Variants in SLC25A21 observed in about 807,000 individuals in gnomAD.
SLC25A21 encodes the protein solute carrier family 25 member 21, also known as mitochondrial 2-oxodicarboxylate carrier.
A neutral mutation model predicts 43.8 loss-of-function variants in SLC25A21; 47 were observed. The observed-to-expected ratio is 1.07, with a 90% CI of 0.85 to 1.37. The LOEUF (loss-of-function observed/expected upper bound fraction) is 1.37, where lower values mean the gene tolerates loss of function less well. Ranked by LOEUF, SLC25A21 falls within the 40% of genes most tolerant of loss-of-function variation. The pLI, the probability that SLC25A21 is intolerant of heterozygous loss-of-function variation, is 0.00. For synonymous variants in SLC25A21, 131 were observed against 121.3 expected, an observed-to-expected ratio of 1.08 and a Z score of -0.52; for missense variants, 352 against 350.2, an observed-to-expected ratio of 1.00 and a Z score of -0.04.
In SLC25A21 at chr14:37,146,524, G is replaced by A. The variant is rs372360483; in HGVS notation, c.70+25757C>T. ...GGCCTCCCAAAGTGCTGGGATTACA[G>A]GCCTGAGCCACCACACTCAGCCCAG... On this transcript the variant is annotated intron_variant, in intron 1 of 9. Transcript: ENST00000331299. 1.4e-4 allele frequency among the ~76,000 whole-genome samples: 21 copies of A among 152,254 alleles called. No homozygotes were observed. In the South Asian group the frequency reaches 1.4e-3, roughly 11 times the overall value.
chr14:37,092,037 G>A (rs1962597058), intron 1 of SLC25A21, among the ~76,000 whole-genome samples: 1 of 152,128 alleles, frequency 6.6e-6, no homozygotes, highest in African/African-American at 2.4e-5. Flanking sequence ...TGAGGTGGGG[G>A]GATCATTTGA....
intron 7 of SLC25A21, 145 bp downstream of exon 7, chr14:36,711,173 G>A: frequency 5.7e-6 from 4 of 705,884 alleles, no homozygotes; most frequent in Middle Eastern, 8.2e-4. Context: ...AGGGATAACA[G>A]CACTCAATGC....
chr14:36,912,559 A>T (rs1322242374), intron 1 of SLC25A21, among the ~76,000 whole-genome samples: 1 of 152,230 alleles, frequency 6.6e-6, no homozygotes, highest in Non-Finnish European at 1.5e-5. Flanking sequence ...AAGGTATCCA[A>T]AAGTGCCTAT....
chr14:36,977,342 T>G (rs1007604633), intron 1 of SLC25A21, among the ~76,000 whole-genome samples: 2 of 152,200 alleles, frequency 1.3e-5, no homozygotes, highest in Non-Finnish European at 2.9e-5. Flanking sequence ...CTGTCTCATA[T>G]TCTTTGCTTA....
rs1442323557 is a variant in SLC25A21, at chr14:36,925,710, G to T, written c.71-50706C>A. On this transcript the variant is annotated intron_variant, in intron 1 of 9. Transcript: ENST00000331299. Reference sequence around the variant, plus strand: ...AAAAATACAAAAATTAGCCAGGCATGGTAGCACATGCCTATAATTCCAGCT... The same window carrying T: ...AAAAATACAAAAATTAGCCAGGCATTGTAGCACATGCCTATAATTCCAGCT... Among the ~76,000 whole-genome samples the T allele has an allele frequency of 6.6e-5, 10 of 152,190 alleles. No individual in the cohort carries two copies. The East Asian group carries it at 1.5e-3, about 24-fold the overall frequency.
At chr14:37,089,058 T>C (rs1962535833) in intron 1 of SLC25A21, among the ~76,000 whole-genome samples, 1 of 152,294 alleles carries the variant, frequency 6.6e-6, no homozygotes, top group Admixed American at 6.5e-5. Flanking sequence ...AACTTAATCA[T>C]ACTCAAATTT....
chr14:36,835,796 T>G (rs1889189577), intron 2 of SLC25A21, among the ~76,000 whole-genome samples: 1 of 152,240 alleles, frequency 6.6e-6, no homozygotes, highest in African/African-American at 2.4e-5. Context: ...GCAAATCTGC[T>G]GGCTTTTTCT....
At chr14:36,773,946 T>C (rs777597643) in intron 3 of SLC25A21, among the ~76,000 whole-genome samples, 1 of 152,054 alleles carries the variant, frequency 6.6e-6, no homozygotes, top group Non-Finnish European at 1.5e-5. Flanking sequence ...TACACATGAG[T>C]TATGTTTCAT....
chr14:36,679,126 A>C lies in SLC25A21; in HGVS notation c.*1532T>G. ...GGCAGCGCTCTCATTGGATGTAAGA[A>C]TATTACCTGCAAGGATAGAATGCAG... is the stretch of plus-strand genomic sequence containing the variant. On this transcript the variant is annotated 3_prime_UTR_variant, in exon 10 of 10. Transcript: ENST00000331299. The C allele has an allele frequency of 1.0e-6, 1 of 985,430 alleles. No individual in the cohort carries two copies. The highest frequency in any genetic ancestry group is 4.7e-5 in the South Asian group (1 of 21,288). The allele number at this position is 985,430 out of a possible 1,614,324, so 61.0% of individuals were successfully genotyped here. A position where few individuals can be genotyped will look rare whatever the true frequency, so the allele number is the denominator to read the frequency against.
intron 1 of SLC25A21, among the ~76,000 whole-genome samples, chr14:37,132,472 G>A (rs983019416): frequency 6.6e-6 from 1 of 152,156 alleles, no homozygotes; most frequent in African/African-American, 2.4e-5. Flanking sequence ...CCTTGCTGGT[G>A]ATAGACACAG....
chr14:36,824,969 G>A (rs571446688), intron 2 of SLC25A21, among the ~76,000 whole-genome samples: 1 of 152,010 alleles, frequency 6.6e-6, no homozygotes, highest in Non-Finnish European at 1.5e-5. Flanking sequence ...CTTTGTAGGA[G>A]GTTTTAGATG....
intron 7 of SLC25A21, among the ~76,000 whole-genome samples, chr14:36,700,410 T>C (rs575169069): frequency 1.3e-5 from 2 of 152,288 alleles, no homozygotes; most frequent in Non-Finnish European, 2.9e-5. Context: ...TATGGACAAA[T>C]GTGATGCACT....
intron 3 of SLC25A21, among the ~76,000 whole-genome samples, chr14:36,768,123 A>T (rs1886482594): frequency 6.6e-6 from 1 of 152,158 alleles, no homozygotes; most frequent in Non-Finnish European, 1.5e-5. Flanking sequence ...GGAATCACCC[A>T]CTGGCAATAG....
chr14:36,904,052 G>A (rs1248501642), intron 1 of SLC25A21, among the ~76,000 whole-genome samples: 1 of 152,196 alleles, frequency 6.6e-6, no homozygotes, highest in Non-Finnish European at 1.5e-5. Flanking sequence ...CTTTTCCTAT[G>A]ACTGAATTCT....
At chr14:37,072,179 CAAA>C (rs36060373) in intron 1 of SLC25A21, among the ~76,000 whole-genome samples, 1 of 79,030 alleles carries the variant, frequency 1.3e-5, no homozygotes, top group African/African-American at 4.8e-5. Context: ...GAGACTGTCT[CAAA>C]AAAAAAAAAA....
chr14:36,764,942 T>C (rs1886357970), intron 3 of SLC25A21, among the ~76,000 whole-genome samples: 1 of 152,232 alleles, frequency 6.6e-6, no homozygotes, highest in Non-Finnish European at 1.5e-5. Context: ...CGGGCCATCT[T>C]GCTTTTAAGA....
intron 1 of SLC25A21, among the ~76,000 whole-genome samples, chr14:37,142,314 C>T (rs965663883): frequency 1.3e-5 from 2 of 152,154 alleles, no homozygotes; most frequent in Non-Finnish European, 2.9e-5. Context: ...AGAGTGGTAG[C>T]TCTTCATCAC....
intron 1 of SLC25A21, among the ~76,000 whole-genome samples, chr14:36,964,912 AT>A (rs1959578599): frequency 6.6e-6 from 1 of 152,124 alleles, no homozygotes; most frequent in Non-Finnish European, 1.5e-5. Context: ...TGTTTTATTA[AT>A]TTAGTTTTTT....
chr14:36,967,939 C>A (rs1959657448), intron 1 of SLC25A21, among the ~76,000 whole-genome samples: 1 of 152,154 alleles, frequency 6.6e-6, no homozygotes, highest in South Asian at 2.1e-4. Flanking sequence ...ACGAGTGCCA[C>A]AAAGGAAGGA....
Sources: gnomAD v4.1 joint callset for allele counts (sites outside exome capture counted in the v4.1 genomes callset) on GRCh38, gnomAD v4.1.1 for gene constraint, MANE v1.5 for transcripts, NCBI Gene and HGNC (gene_info 2026-07-23, HGNC 2026-07-21) for gene names.